Variants in HABP4 observed in about 807,000 individuals in gnomAD.
HABP4 encodes intracellular hyaluronan-binding protein 4.
HABP4 carries 32 observed loss-of-function variants against 44.1 expected under a neutral mutation model. That is an observed-to-expected ratio of 0.73 (90% CI 0.55 to 0.97). The LOEUF is 0.97. Ranked by LOEUF, HABP4 falls within the 50% of genes least tolerant of loss-of-function variation. The probability of loss-of-function intolerance (pLI) is 0.00; values close to 1 mark genes in which losing one functional copy is unlikely to be tolerated. For missense variants in HABP4, 503 were observed against 561.9 expected, an observed-to-expected ratio of 0.90 and a Z score of 1.06; for synonymous variants, 216 against 218.0, an observed-to-expected ratio of 0.99 and a Z score of 0.08.
intron 1 of HABP4, among the ~76,000 whole-genome samples, chr9:96,456,958 CT>C (rs1159467618): frequency 6.6e-6 from 1 of 150,954 alleles, no homozygotes; most frequent in Non-Finnish European, 1.5e-5. Context: ...AAAAGATAGA[CT>C]TTTTTTGAAG....
intron 4 of HABP4, among the ~76,000 whole-genome samples, chr9:96,467,017 G>A (rs1832612936): frequency 6.6e-6 from 1 of 150,672 alleles, no homozygotes; most frequent in Non-Finnish European, 1.5e-5. Context: ...CCGCTGCCCA[G>A]GTTCAAGTGA....
intron 6 of HABP4, among the ~76,000 whole-genome samples, chr9:96,485,686 C>G (rs1375867941): frequency 4.6e-5 from 7 of 152,174 alleles, no homozygotes; most frequent in Admixed American, 1.3e-4. Context: ...CGACTTGTTA[C>G]TGAACTTAAG....
chr9:96,469,515 T>C (rs1832658532), intron 4 of HABP4, among the ~76,000 whole-genome samples: 1 of 152,168 alleles, frequency 6.6e-6, no homozygotes, highest in Admixed American at 6.5e-5. Flanking sequence ...TTCTGATAAA[T>C]CCAACATTGG....
At chr9:96,456,781 ATATATATATATATATATATATATATAT>A (rs1832397710) in intron 1 of HABP4, among the ~76,000 whole-genome samples, 2 of 30,142 alleles carry the variant, frequency 6.6e-5, no homozygotes, top group Non-Finnish European at 1.1e-4. Flanking sequence ...AAAAAAAAAA[ATATATATATATATATATATATATATAT>A]ATATATATAT....
At chr9:96,465,922 G>A (rs763355465) in intron 4 of HABP4, 144 bp downstream of exon 4, 43 of 597,712 alleles carry the variant, frequency 7.2e-5, no homozygotes, top group African/African-American at 3.2e-4. Flanking sequence ...CTTTTGTTTC[G>A]TGAGATAAGT....
intron 5 of HABP4, among the ~76,000 whole-genome samples, chr9:96,474,091 A>G (rs1159415330): frequency 6.6e-6 from 1 of 152,196 alleles, no homozygotes; most frequent in African/African-American, 2.4e-5. Context: ...GTGCTTTATC[A>G]GTATCTGCTC....
rs377167844 is a variant in HABP4 at position 96,465,387 on chromosome 9, C to A, written c.563C>A (p.Pro188Gln). Residue 188 changes from proline to glutamine, a missense_variant, in exon 3 of 8, where the codon CCG becomes CAG. By Grantham distance (76) the Pro-to-Gln change is moderately conservative (BLOSUM62 -1). Around this residue, in one of 3 missense-constraint regions of HABP4, gnomAD observed 290 missense variants for 300.5 expected, o/e 0.97. Coordinates refer to ENST00000375249, the MANE Select transcript of HABP4 (RefSeq NM_014282.4). ...AGACCGTTGAGAGGACGTGGAGGCCCGAGAGGGGGTATGCGCGGCAGAGGC... is the reference window on the plus strand; with the variant it reads ...AGACCGTTGAGAGGACGTGGAGGCCAGAGAGGGGGTATGCGCGGCAGAGGC... ...RDRPLRGRGGPRGGMRGRGRG... is the reference protein window; with the variant it reads ...RDRPLRGRGGQRGGMRGRGRG... 1 of 1,609,344 alleles carries A rather than the reference C, an allele frequency of 6.2e-7. No homozygotes were observed. The highest frequency in any genetic ancestry group is 1.7e-5 in the Admixed American group (1 of 60,006).
Position 96,488,059 on chromosome 9 carries a change from T to G in HABP4, c.1000-30T>G. ...GAGTGTGGGGATGGCTGTGGACTTG[T>G]GCGTGTTTGATGCTGTAATTGTGTT... On this transcript the variant is annotated intron_variant, in intron 6 of 7. Coordinates refer to ENST00000375249, the MANE Select transcript of HABP4 (RefSeq NM_014282.4). The surrounding 1 kb of genome is among the most constrained non-coding windows in gnomAD (Gnocchi z 4.6). 1 of 1,525,772 alleles carries G rather than the reference T, an allele frequency of 6.6e-7. No individual in the cohort carries two copies. The highest frequency in any genetic ancestry group is 9.1e-7 in the Non-Finnish European group (1 of 1,102,120). 94.5% of individuals were successfully genotyped at this position (1,525,772 alleles called of 1,614,324 possible). A position where few individuals can be genotyped will look rare whatever the true frequency, so the allele number is the denominator to read the frequency against.
chr9:96,458,240 T>G, intron 1 of HABP4, 139 bp from the exon 2 acceptor site: 1 of 870,602 alleles, frequency 1.1e-6, no homozygotes, highest in Admixed American at 2.0e-5. Flanking sequence ...ACTTTTTTCT[T>G]TGAAGTTTTC....
chr9:96,465,385 C>T lies in HABP4; in HGVS notation c.561C>T (p.Gly187=). ...ACAGACCGTTGAGAGGACGTGGAGG[C>T]CCGAGAGGGGGTATGCGCGGCAGAG... The part of the protein sequence containing the change: ...DRDRPLRGRG[G]PRGGMRGRGR... The change falls in exon 3 of 8, where the codon GGC becomes GGT. Residue 187 remains glycine (G), a synonymous_variant. Transcript: ENST00000375249. The T allele has an allele frequency of 6.2e-7, 1 of 1,609,154 alleles. No individual in the cohort carries two copies.
At chr9:96,482,372 G>T (rs2131155480) in intron 5 of HABP4, among the ~76,000 whole-genome samples, 1 of 152,224 alleles carries the variant, frequency 6.6e-6, no homozygotes, top group Admixed American at 6.5e-5. Flanking sequence ...CATCTAAGTG[G>T]AATCGTTCAA....
intron 4 of HABP4, among the ~76,000 whole-genome samples, chr9:96,466,184 A>G (rs1012152973): frequency 2.6e-5 from 4 of 152,106 alleles, no homozygotes; most frequent in Admixed American, 6.5e-5. Flanking sequence ...AGCCTGTCCA[A>G]CATGGTGAAA....
In HABP4 at chr9:96,490,734, G is replaced by A. The variant is rs1170394778; in HGVS notation, c.*696G>A. ...TTTTTAGGAAGAATATTAAGTATGT[G>A]ACTTCAAAAACCATGTTATTTAACC... On this transcript the variant is annotated 3_prime_UTR_variant, in exon 8 of 8. Transcript: ENST00000375249. 1 of 152,138 alleles carries A rather than the reference G, an allele frequency of 6.6e-6. No individual in the cohort carries two copies. Among genetic ancestry groups the A allele is most frequent in the African/African-American group, 2.4e-5 (1 of 41,426 alleles). The allele number at this position is 152,138 out of a possible 1,614,324, so 9.4% of individuals were successfully genotyped here. A position where few individuals can be genotyped will look rare whatever the true frequency, so the allele number is the denominator to read the frequency against.
upstream of HABP4, chr9:96,450,157 G>GCCGGACAGGGTAGGGC (rs1307523297): frequency 8.3e-5 from 85 of 1,023,810 alleles, no homozygotes; most frequent in African/African-American, 1.5e-4. This position sits in a 1 kb window ranked among gnomAD's most constrained non-coding sequence, Gnocchi z 4.8. Flanking sequence ...GCCGGTAGGG[G>GCCGGACAGGGTAGGGC]CCGGACAGGG....
intron 1 of HABP4, among the ~76,000 whole-genome samples, chr9:96,456,802 T>C (rs1347149912): frequency 1.6e-5 from 2 of 121,276 alleles, no homozygotes; most frequent in South Asian, 5.6e-4. Flanking sequence ...TATATATATA[T>C]ATATATATAT....
chr9:96,454,022 A>C (rs1197488434), intron 1 of HABP4, among the ~76,000 whole-genome samples: 1 of 152,168 alleles, frequency 6.6e-6, no homozygotes, highest in African/African-American at 2.4e-5. Flanking sequence ...CTTGATATTG[A>C]TAATTATTCT....
intron 5 of HABP4, among the ~76,000 whole-genome samples, chr9:96,476,891 T>A (rs7024214): frequency 1.3e-5 from 2 of 152,092 alleles, no homozygotes; most frequent in Non-Finnish European, 2.9e-5. Context: ...ATGGGGCATT[T>A]GTGCCTCTAT....
intron 1 of HABP4, among the ~76,000 whole-genome samples, chr9:96,455,791 A>C (rs1587769352): frequency 6.6e-6 from 1 of 151,554 alleles, no homozygotes; most frequent in African/African-American, 2.4e-5. Flanking sequence ...GTAGTGGCTC[A>C]TGCCTGTAAT....
rs1288615552 is a variant in HABP4, at chr9:96,488,125, T to C, written c.1036T>C (p.Phe346Leu). 2 of 1,613,782 alleles carry C rather than the reference T, an allele frequency of 1.2e-6. No homozygotes were observed. The highest frequency in any genetic ancestry group is 2.2e-5 in the South Asian group (2 of 91,070). ...KDDYEDDSHV[F>L]RKPANDITSQ... ...TGACTATGAGGACGATTCCCATGTT[T>C]TCCGGAAACCCGCCAATGACATCAC... The change falls in exon 7 of 8, where the codon TTC becomes CTC. Residue 346 changes from phenylalanine (F) to leucine (L), a missense_variant. By Grantham distance (22) the Phe-to-Leu change is conservative. Coordinates refer to ENST00000375249, the MANE Select transcript of HABP4 (RefSeq NM_014282.4). The surrounding 1 kb of genome is among the most constrained non-coding windows in gnomAD (Gnocchi z 4.6).
Sources: gnomAD v4.1 joint callset for allele counts (sites outside exome capture counted in the v4.1 genomes callset) on GRCh38, gnomAD v4.1.1 for gene constraint, gnomAD v4.1.1 regional missense constraint, Gnocchi (gnomAD v3.1) non-coding constraint, MANE v1.5 for transcripts, NCBI Gene and HGNC (gene_info 2026-07-23, HGNC 2026-07-21) for gene names.